Variants in NAV2 observed in about 807,000 individuals in gnomAD.
NAV2 encodes the protein helicase, APC down-regulated 1.
A neutral mutation model predicts 223.2 loss-of-function variants in NAV2; 54 were observed. The observed-to-expected ratio is 0.24, with a 90% CI of 0.19 to 0.30. NAV2 has a LOEUF of 0.30. NAV2 is among the 10% of genes least tolerant of loss of function. NAV2 has a pLI of 1.00. For synonymous variants in NAV2, 1,279 were observed against 1,239.3 expected, an observed-to-expected ratio of 1.03 and a Z score of -0.67; for missense variants, 2,806 against 3,147.5, an observed-to-expected ratio of 0.89 and a Z score of 2.60.
At chr11:19,741,499 T>C (rs1297409679) in intron 1 of NAV2, among the ~76,000 whole-genome samples, 22 of 20,222 alleles carry the variant, frequency 1.1e-3, no homozygotes, top group Non-Finnish European at 3.9e-3. Context: ...CTTTCTTTCT[T>C]TTTTTTTTTT....
At chr11:19,367,091 G>T (rs1326260643) in intron 1 of NAV2, among the ~76,000 whole-genome samples, 1 of 152,178 alleles carries the variant, frequency 6.6e-6, no homozygotes, top group African/African-American at 2.4e-5. Flanking sequence ...ACCAGCACCA[G>T]GCTCTCAATC....
chr11:19,516,305 C>T (rs11603682), intron 1 of NAV2, among the ~76,000 whole-genome samples: 3 of 152,076 alleles, frequency 2.0e-5, no homozygotes, highest in Non-Finnish European at 4.4e-5. Flanking sequence ...GAAGTTTGAG[C>T]CCCACAATAC....
At chr11:20,072,317 AC>A (rs1434698060) in intron 22 of NAV2, among the ~76,000 whole-genome samples, 1 of 152,208 alleles carries the variant, frequency 6.6e-6, no homozygotes, top group Non-Finnish European at 1.5e-5. Flanking sequence ...TGGTACCAGT[AC>A]CATGCTGTTT....
At chr11:19,981,590 A>G (rs1444336408) in intron 10 of NAV2, among the ~76,000 whole-genome samples, 2 of 152,262 alleles carry the variant, frequency 1.3e-5, no homozygotes, top group African/African-American at 4.8e-5. Flanking sequence ...CTGGCTGGGC[A>G]GACTTGGCTA....
intron 5 of NAV2, among the ~76,000 whole-genome samples, chr11:19,881,626 C>T (rs2063210752): frequency 6.6e-6 from 1 of 152,126 alleles, no homozygotes; most frequent in African/African-American, 2.4e-5. Flanking sequence ...TGGTATTAAG[C>T]CTCCCACATG....
intron 1 of NAV2, among the ~76,000 whole-genome samples, chr11:19,681,640 C>G (rs2048883327): frequency 6.6e-6 from 1 of 152,208 alleles, no homozygotes; most frequent in Non-Finnish European, 1.5e-5. Flanking sequence ...GTCCTCCACA[C>G]CAATAGCCTG....
At chr11:19,860,861 T>A (rs2061724524) in intron 3 of NAV2, among the ~76,000 whole-genome samples, 1 of 151,982 alleles carries the variant, frequency 6.6e-6, no homozygotes, top group Non-Finnish European at 1.5e-5. Context: ...AAACCCCGTC[T>A]CCACCCAAAA....
intron 3 of NAV2, among the ~76,000 whole-genome samples, chr11:19,868,466 C>G (rs763301273): frequency 3.3e-5 from 5 of 152,112 alleles, no homozygotes; most frequent in Non-Finnish European, 5.9e-5. Flanking sequence ...TGCCTGCCAT[C>G]CGGAGAATTT....
chr11:19,556,179 C>T (rs2134711706), intron 1 of NAV2, among the ~76,000 whole-genome samples: 1 of 152,258 alleles, frequency 6.6e-6, no homozygotes, highest in South Asian at 2.1e-4. Context: ...TACAGGAGAT[C>T]CTTTATGAGA....
intron 1 of NAV2, among the ~76,000 whole-genome samples, chr11:19,469,591 C>T (rs1357886410): frequency 6.6e-6 from 1 of 152,184 alleles, no homozygotes; most frequent in Non-Finnish European, 1.5e-5. Context: ...TGTGGTCTCT[C>T]ACCTCGCTTT....
rs760394485 is a variant in NAV2 at position 20,068,172 on chromosome 11, T to C, written c.4885-14T>C. ...TCCTTAACTGGTCTAATTTCCTTTA[T>C]GTTTTCTTTACAGCCAGAAGAAAAA... On this transcript the variant is annotated splice_polypyrimidine_tract_variant and intron_variant, in intron 20 of 37. Transcript: ENST00000349880. 19 of 1,613,580 alleles carry C rather than the reference T, an allele frequency of 1.2e-5. No homozygotes were observed. The Admixed American group carries it at 2.8e-4, about 24-fold the overall frequency.
intron 1 of NAV2, among the ~76,000 whole-genome samples, chr11:19,628,384 A>G (rs12280380): frequency 0.13 from 19,986 of 152,218 alleles, 3,658 homozygotes; most frequent in African/African-American, 0.41. Flanking sequence ...GGAGGAAGAC[A>G]CCAGAGCAGA....
intron 1 of NAV2, among the ~76,000 whole-genome samples, chr11:19,772,173 A>AC (rs1455968211): frequency 3.9e-5 from 6 of 152,140 alleles, no homozygotes; most frequent in Admixed American, 3.3e-4. Context: ...GTCTCTGGGT[A>AC]CCCCCAGAGA....
intron 1 of NAV2, chr11:19,351,103 C>T: frequency 7.4e-7 from 1 of 1,346,784 alleles, no homozygotes. Flanking sequence ...CATAGGTGGT[C>T]ATCATCGAGC....
chr11:19,548,313 C>T (rs1016270458), intron 1 of NAV2, among the ~76,000 whole-genome samples: 1 of 152,234 alleles, frequency 6.6e-6, no homozygotes, highest in Non-Finnish European at 1.5e-5. Flanking sequence ...TTACCCTTCA[C>T]TTGGCAAACA....
At chr11:19,519,589 A>C (rs2043576898) in intron 1 of NAV2, among the ~76,000 whole-genome samples, 1 of 152,146 alleles carries the variant, frequency 6.6e-6, no homozygotes, top group Admixed American at 6.5e-5. Flanking sequence ...TGCTGAATGA[A>C]AGAAGGAATG....
chr11:19,849,450 C>T (rs2060993118), intron 3 of NAV2, among the ~76,000 whole-genome samples: 1 of 152,226 alleles, frequency 6.6e-6, no homozygotes, highest in Admixed American at 6.5e-5. Flanking sequence ...GGGCAGGTGG[C>T]CCCTTGTGAA....
At chr11:19,587,416 T>C (rs2045935056) in intron 1 of NAV2, among the ~76,000 whole-genome samples, 1 of 152,194 alleles carries the variant, frequency 6.6e-6, no homozygotes, top group Admixed American at 6.5e-5. Context: ...CTCAGTGAGA[T>C]GAACCTGGTA....
chr11:19,803,918 G>A (rs1255835765), intron 1 of NAV2, among the ~76,000 whole-genome samples: 2 of 152,250 alleles, frequency 1.3e-5, no homozygotes, highest in Non-Finnish European at 2.9e-5. Context: ...CATGGCCCTT[G>A]TCTAGGAACA....
Sources: allele counts gnomAD v4.1 joint callset (sites outside exome capture counted in the v4.1 genomes callset), GRCh38; gene constraint gnomAD v4.1.1; transcripts MANE v1.5; gene names NCBI Gene and HGNC (gene_info 2026-07-23, HGNC 2026-07-21).